Variants in PRIM2 observed in about 807,000 individuals in gnomAD.
PRIM2 encodes DNA primase large subunit.
In PRIM2, 39 loss-of-function variants were observed where a neutral mutation model predicts 67.3. The observed-to-expected ratio is 0.58, with a 90% confidence interval of 0.45 to 0.76. The LOEUF is 0.76. Among genes scored for constraint, PRIM2 ranks in the 30% least tolerant of loss-of-function variants. The pLI is 0.00. For missense variants in PRIM2, 398 were observed against 598.7 expected, an observed-to-expected ratio of 0.66 and a Z score of 3.50; for synonymous variants, 143 against 198.7, an observed-to-expected ratio of 0.72 and a Z score of 2.36.
intron 12 of PRIM2, among the ~76,000 whole-genome samples, chr6:57,628,299 G>A (rs1776988045): frequency 6.6e-6 from 1 of 151,666 alleles, no homozygotes; most frequent in Non-Finnish European, 1.5e-5. Flanking sequence ...TTCTATTTCT[G>A]ACCCTCACTC....
At chr6:57,314,964 G>A (rs1336062095), upstream of PRIM2, 1 of 152,194 alleles carries the variant, frequency 6.6e-6, no homozygotes. Flanking sequence ...AAAAATGCTG[G>A]AATAGCTGAC....
At chr6:57,609,239 T>C (rs1776620843) in intron 12 of PRIM2, among the ~76,000 whole-genome samples, 1 of 152,150 alleles carries the variant, frequency 6.6e-6, no homozygotes. Flanking sequence ...GGACGATATG[T>C]ACTTGAACCA....
At chr6:57,266,077 TAA>T in the PRIM2 span, among the ~76,000 whole-genome samples, 18 of 152,114 alleles carry the variant, frequency 1.2e-4, no homozygotes, top group Non-Finnish European at 1.8e-4. Flanking sequence ...CTTGAACAAA[TAA>T]GACACCCAGA....
chr6:57,551,984 C>A (rs1321511511), intron 10 of PRIM2, among the ~76,000 whole-genome samples: 2 of 152,090 alleles, frequency 1.3e-5, no homozygotes, highest in Non-Finnish European at 2.9e-5. Flanking sequence ...TGAAGAAACT[C>A]GAGGCAAAGA....
chr6:57,267,439 T>A, the PRIM2 span, among the ~76,000 whole-genome samples: 1 of 152,046 alleles, frequency 6.6e-6, no homozygotes, highest in African/African-American at 2.4e-5. Context: ...TCAATCCCAG[T>A]GGCATCTCTT....
chr6:57,340,960 A>T (rs1302569247), intron 5 of PRIM2, among the ~76,000 whole-genome samples: 2 of 152,172 alleles, frequency 1.3e-5, no homozygotes, highest in African/African-American at 4.8e-5. Context: ...AAATTACTCT[A>T]GTTGCTTCTA....
At chr6:57,284,203 T>C in the PRIM2 span, among the ~76,000 whole-genome samples, 7 of 152,170 alleles carry the variant, frequency 4.6e-5, no homozygotes, top group African/African-American at 1.7e-4. Context: ...GAATATTTCA[T>C]CTAGCAGAGA....
chr6:57,595,669 A>G (rs1411925671), intron 10 of PRIM2, among the ~76,000 whole-genome samples: 1 of 152,166 alleles, frequency 6.6e-6, no homozygotes, highest in Admixed American at 6.5e-5. Flanking sequence ...TTATCAGTTT[A>G]TTATAAAGGA....
chr6:57,610,140 C>G (rs1776638237), intron 12 of PRIM2, among the ~76,000 whole-genome samples: 2 of 152,184 alleles, frequency 1.3e-5, no homozygotes, highest in Admixed American at 6.5e-5. Context: ...GCAATCTCGG[C>G]TCACTGCAAC....
chr6:57,228,463 C>T, the PRIM2 span, among the ~76,000 whole-genome samples: 1 of 152,192 alleles, frequency 6.6e-6, no homozygotes, highest in African/African-American at 2.4e-5. Context: ...CTAGAAACAC[C>T]TCATGAACAC....
chr6:57,307,374 C>T, the PRIM2 span, among the ~76,000 whole-genome samples: 2 of 151,718 alleles, frequency 1.3e-5, no homozygotes, highest in Admixed American at 6.6e-5. Context: ...CTGCCTCAGC[C>T]TCCTGAGTAG....
At chr6:57,533,959 C>T (rs1378853196) in intron 9 of PRIM2, among the ~76,000 whole-genome samples, 2 of 152,122 alleles carry the variant, frequency 1.3e-5, no homozygotes, top group African/African-American at 4.8e-5. Context: ...CCTGAGACCC[C>T]GTGGTGAGTA....
chr6:57,265,398 C>G, the PRIM2 span, among the ~76,000 whole-genome samples: 1 of 152,190 alleles, frequency 6.6e-6, no homozygotes, highest in South Asian at 2.1e-4. Flanking sequence ...TTTTTCAAGT[C>G]AGCTCTTTAA....
intron 7 of PRIM2, among the ~76,000 whole-genome samples, chr6:57,507,093 T>C (rs1774265666): frequency 2.0e-5 from 3 of 152,156 alleles, no homozygotes; most frequent in East Asian, 1.9e-4. Flanking sequence ...GTCTCATAAG[T>C]GAATGCTTTT....
chr6:57,495,910 A>AT (rs1323935228), intron 7 of PRIM2, among the ~76,000 whole-genome samples: 45 of 149,842 alleles, frequency 3.0e-4, no homozygotes, highest in Middle Eastern at 3.5e-3. Context: ...CACTCAGCTG[A>AT]TTTTTTTTTT....
chr6:57,512,020 C>T (rs1554347748), intron 8 of PRIM2, among the ~76,000 whole-genome samples: 2 of 152,112 alleles, frequency 1.3e-5, no homozygotes, highest in African/African-American at 2.4e-5. Flanking sequence ...GAATCGAACC[C>T]ACAGAATATC....
At chr6:57,613,395 TAGAA>T (rs1476283616) in intron 12 of PRIM2, among the ~76,000 whole-genome samples, 3 of 152,188 alleles carry the variant, frequency 2.0e-5, no homozygotes, top group Non-Finnish European at 2.9e-5. Context: ...GATTAAAAGT[TAGAA>T]AGAAAGTATA....
At chr6:57,384,282 T>G (rs1770059553) in intron 7 of PRIM2, among the ~76,000 whole-genome samples, 1 of 152,202 alleles carries the variant, frequency 6.6e-6, no homozygotes, top group Non-Finnish European at 1.5e-5. Context: ...TCCACATCTG[T>G]CTTCTGGCTT....
intron 12 of PRIM2, among the ~76,000 whole-genome samples, chr6:57,620,076 G>C (rs1447858339): frequency 4.4e-4 from 67 of 152,172 alleles, no homozygotes; most frequent in Non-Finnish European, 6.9e-4. Flanking sequence ...CACAACTGTA[G>C]TCCCAGCTAC....
Sources: allele counts gnomAD v4.1 joint callset (sites outside exome capture counted in the v4.1 genomes callset), GRCh38; gene constraint gnomAD v4.1.1; transcripts MANE v1.5; gene names NCBI Gene and HGNC (gene_info 2026-07-23, HGNC 2026-07-21).